The following C3orf49 variants were observed in gnomAD, a reference collection of about 807,000 sequenced individuals.
The protein encoded by C3orf49 is putative uncharacterized protein C3orf49.
Under a neutral mutation model 13.3 loss-of-function variants are expected in C3orf49, and 27 were observed. That is an observed-to-expected ratio of 2.02 (90% CI 1.49 to 2.79). The LOEUF is 2.79. Ranked by LOEUF, C3orf49 falls within the 30% of genes most tolerant of loss-of-function variation. C3orf49 has a pLI of 0.00. For missense variants in C3orf49, 242 were observed against 134.2 expected (o/e 1.80, Z -3.97); for synonymous variants, 87 against 47.6 (o/e 1.83, Z -3.40).
At chr3:63,843,585 T>C (rs1321095596) in intron 5 of C3orf49, among the ~76,000 whole-genome samples, 1 of 152,004 alleles carries the variant, frequency 6.6e-6, no homozygotes, top group African/African-American at 2.4e-5. Flanking sequence ...AATTTGGGTG[T>C]TTACCAACAG....
At chr3:63,810,373 C>T in the C3orf49 span, among the ~76,000 whole-genome samples, 1 of 152,160 alleles carries the variant, frequency 6.6e-6, no homozygotes, top group Admixed American at 6.5e-5. Flanking sequence ...TCATCTGTTC[C>T]TCGCTGTATG....
the C3orf49 span, among the ~76,000 whole-genome samples, chr3:63,788,221 TC>T: frequency 0.015 from 2,268 of 152,286 alleles, 26 homozygotes; most frequent in South Asian, 0.065. Flanking sequence ...TGCTAGCCCA[TC>T]TTACAGGTGA....
Position 63,824,816 on chromosome 3 carries a change from G to A in C3orf49, c.445+1247G>A, listed in dbSNP as rs577722674. On this transcript the variant is annotated intron_variant, in intron 2 of 6. Transcript: ENST00000295896. ...TATGCCACTGCACTCCAGCCTGGGC[G>A]ACAGAAAGAGACCCTGTCTCAAAAA... 5.9e-5 allele frequency among the ~76,000 whole-genome samples: 7 copies of A among 118,018 alleles called. No individual in the cohort carries two copies. The South Asian group carries it at 1.1e-3, about 18-fold the overall frequency. The allele number at this position is 118,018 out of a possible 152,430, so 77.4% of individuals were successfully genotyped here.
At chr3:63,803,250 C>A in the C3orf49 span, among the ~76,000 whole-genome samples, 1 of 152,150 alleles carries the variant, frequency 6.6e-6, no homozygotes, top group South Asian at 2.1e-4. Flanking sequence ...ATATTCATGT[C>A]TTTTGCCGTG....
the C3orf49 span, among the ~76,000 whole-genome samples, chr3:63,810,842 A>G: frequency 6.6e-6 from 1 of 152,126 alleles, no homozygotes; most frequent in Non-Finnish European, 1.5e-5. Context: ...CAACCCATCC[A>G]CCAAACTGGT....
chr3:63,792,722 C>T, the C3orf49 span, among the ~76,000 whole-genome samples: 1 of 152,166 alleles, frequency 6.6e-6, no homozygotes, highest in Non-Finnish European at 1.5e-5. Flanking sequence ...GATATGTCTA[C>T]AGGACCACAA....
At chr3:63,809,172 G>A in the C3orf49 span, among the ~76,000 whole-genome samples, 1 of 152,090 alleles carries the variant, frequency 6.6e-6, no homozygotes, top group African/African-American at 2.4e-5. Context: ...GAAAATTTCT[G>A]AACCATAAAA....
At chr3:63,811,926 T>C in the C3orf49 span, among the ~76,000 whole-genome samples, 1 of 151,152 alleles carries the variant, frequency 6.6e-6, no homozygotes, top group African/African-American at 2.4e-5. Flanking sequence ...ATAAAATTAA[T>C]TTAAAATTAA....
At chr3:63,816,726 T>A (rs1701328084), upstream of C3orf49, among the ~76,000 whole-genome samples, 1 of 151,382 alleles carries the variant, frequency 6.6e-6, no homozygotes, top group African/African-American at 2.4e-5. Flanking sequence ...TCTACCTCTT[T>A]GCTCCAGCCA....
chr3:63,830,076 C>T (rs1361354323), intron 3 of C3orf49, among the ~76,000 whole-genome samples: 2 of 152,166 alleles, frequency 1.3e-5, no homozygotes, highest in African/African-American at 4.8e-5. Context: ...TTTGAAAATA[C>T]TAGGCCAATT....
chr3:63,811,870 A>T, the C3orf49 span, among the ~76,000 whole-genome samples: 2 of 151,876 alleles, frequency 1.3e-5, no homozygotes, highest in Non-Finnish European at 2.9e-5. Flanking sequence ...TTAAAAAAAA[A>T]ATTGATCTCC....
At chr3:63,819,171 T>C (rs1011112569), upstream of C3orf49, among the ~76,000 whole-genome samples, 3 of 152,152 alleles carry the variant, frequency 2.0e-5, no homozygotes, top group African/African-American at 4.8e-5. Context: ...TCATCATTTC[T>C]GTATTTGCCT....
the C3orf49 span, among the ~76,000 whole-genome samples, chr3:63,801,077 G>A: frequency 1.7e-3 from 251 of 151,998 alleles, no homozygotes; most frequent in Non-Finnish European, 2.8e-3. Flanking sequence ...GGAGTTTACC[G>A]TCTGCCCTGG....
upstream of C3orf49, among the ~76,000 whole-genome samples, chr3:63,814,470 T>C (rs1701301653): frequency 6.6e-6 from 1 of 152,042 alleles, no homozygotes; most frequent in Admixed American, 6.6e-5. Context: ...GCTATCTCAA[T>C]AGGAGTCAAC....
the C3orf49 span, among the ~76,000 whole-genome samples, chr3:63,782,094 C>T: frequency 6.6e-5 from 10 of 152,098 alleles, no homozygotes; most frequent in African/African-American, 1.9e-4. Flanking sequence ...ACCCTCAATA[C>T]GGTTTTATAA....
At position 63,819,560 on chromosome 3, in the gene C3orf49, A is replaced by C; in HGVS notation, c.89A>C (p.Lys30Thr). 1 of 703,478 alleles carries C rather than the reference A, an allele frequency of 1.4e-6. No individual in the cohort carries two copies. Among genetic ancestry groups the C allele is most frequent in the East Asian group, 2.7e-5 (1 of 37,288 alleles). 43.6% of individuals were successfully genotyped at this position (703,478 alleles called of 1,614,324 possible). ...TGCCGAAGATTCCAGCAACTCAAGA[A>C]GAAAAATGGCTCATTCAAAAGGAAG... The part of the protein sequence containing the change: ...GQCRRFQQLK[K>T]KNGSFKRKGI... Residue 30 changes from lysine to threonine, a missense_variant, in exon 1 of 7, where the codon AAG becomes ACG. Lys to Thr is a moderately conservative substitution (Grantham distance 78). Transcript: ENST00000295896.
the C3orf49 span, among the ~76,000 whole-genome samples, chr3:63,801,324 G>A: frequency 1.2e-4 from 18 of 151,782 alleles, no homozygotes; most frequent in South Asian, 3.7e-3. Flanking sequence ...AAGAGACAGA[G>A]ATGAGAAAGA....
the C3orf49 span, among the ~76,000 whole-genome samples, chr3:63,808,098 A>C: frequency 6.6e-6 from 1 of 152,106 alleles, no homozygotes; most frequent in Non-Finnish European, 1.5e-5. Flanking sequence ...CTCACTGGAC[A>C]AATGACAACT....
At chr3:63,825,116 T>C (rs1400097392) in intron 2 of C3orf49, among the ~76,000 whole-genome samples, 1 of 152,212 alleles carries the variant, frequency 6.6e-6, no homozygotes, top group Non-Finnish European at 1.5e-5. Flanking sequence ...TTTTATGTCA[T>C]ACTCTGTCAT....
Sources: gnomAD v4.1 joint callset for allele counts (sites outside exome capture counted in the v4.1 genomes callset) on GRCh38, gnomAD v4.1.1 for gene constraint, MANE v1.5 for transcripts, NCBI Gene and HGNC (gene_info 2026-07-23, HGNC 2026-07-21) for gene names.